Variants in H2AZ2 observed in about 807,000 individuals in gnomAD.
H2AZ2 encodes histone H2A.V.
A neutral mutation model predicts 15.5 loss-of-function variants in H2AZ2; 5 were observed. The ratio of observed to expected loss-of-function variants is 0.32; its 90% confidence interval spans 0.17 to 0.68. The LOEUF is 0.68. Ranked by LOEUF, H2AZ2 falls within the 30% of genes least tolerant of loss-of-function variation. H2AZ2 has a pLI of 0.72. For missense variants in H2AZ2, 42 were observed against 162.5 expected, an observed-to-expected ratio of 0.26 and a Z score of 4.03; for synonymous variants, 44 against 57.4, an observed-to-expected ratio of 0.77 and a Z score of 1.05.
At chr7:44,839,268 A>G (rs1045760497) in intron 3 of H2AZ2, among the ~76,000 whole-genome samples, 3 of 152,128 alleles carry the variant, frequency 2.0e-5, no homozygotes, top group African/African-American at 7.2e-5. Flanking sequence ...ACATACTTCA[A>G]AGTTCACTGG....
At chr7:44,847,295 A>G (rs1793434337) in intron 1 of H2AZ2, among the ~76,000 whole-genome samples, 1 of 152,200 alleles carries the variant, frequency 6.6e-6, no homozygotes, top group South Asian at 2.1e-4. Flanking sequence ...CTTCTTATCT[A>G]GATCTGAATT....
downstream of H2AZ2, among the ~76,000 whole-genome samples, chr7:44,830,392 A>T (rs1427924580): frequency 6.6e-6 from 1 of 152,208 alleles, no homozygotes; most frequent in Non-Finnish European, 1.5e-5. Flanking sequence ...CACCAAAGCA[A>T]GTCACATTTC....
At position 44,832,653 on chromosome 7, in the gene H2AZ2, T is replaced by A. The variant is rs1210146225; in HGVS notation, c.*1848A>T. On this transcript the variant is annotated 3_prime_UTR_variant, in exon 5 of 5. Coordinates refer to ENST00000308153, the MANE Select transcript of H2AZ2 (RefSeq NM_012412.5). ...CAATTAACTAGTACATTAACTCAAG[T>A]AACAGTTACTTAGCGCAGGGCATGG... 1.3e-5 allele frequency among the ~76,000 whole-genome samples: 2 copies of A among 152,188 alleles called. No homozygotes were observed. The highest frequency in any genetic ancestry group is 4.8e-5 in the African/African-American group (2 of 41,450).
downstream of H2AZ2, among the ~76,000 whole-genome samples, chr7:44,830,752 CT>C (rs1173077541): frequency 6.6e-6 from 1 of 152,166 alleles, no homozygotes; most frequent in East Asian, 1.9e-4. Flanking sequence ...AATCCCAGCA[CT>C]TTGGGAGGCT....
At chr7:44,846,072 C>CACACAG (rs1554336359) in intron 1 of H2AZ2, among the ~76,000 whole-genome samples, 6 of 84,722 alleles carry the variant, frequency 7.1e-5, no homozygotes, top group South Asian at 7.3e-4. Context: ...CAGAGAGAGA[C>CACACAG]AGAGAGAGAG....
chr7:44,846,060 C>G (rs375442377), intron 1 of H2AZ2, among the ~76,000 whole-genome samples: 2,979 of 77,972 alleles, frequency 0.038, 47 homozygotes, highest in Middle Eastern at 0.072. Context: ...CACACACACA[C>G]ACAGAGAGAG....
chr7:44,836,829 T>C (rs1167329246), intron 3 of H2AZ2, among the ~76,000 whole-genome samples: 2 of 151,204 alleles, frequency 1.3e-5, no homozygotes, highest in East Asian at 4.0e-4. Context: ...ACCCTGTCTC[T>C]ACTAAAAATA....
rs911328491 is a variant in H2AZ2 at position 44,833,324 on chromosome 7, C to A, written c.*1177G>T. Reference sequence around the variant, plus strand: ...CTTGGCTCACTGCAAGCTCCGCCTCCCGGGTTCACGTCATTCTCATGCCTC... The same window carrying A: ...CTTGGCTCACTGCAAGCTCCGCCTCACGGGTTCACGTCATTCTCATGCCTC... On this transcript the variant is annotated 3_prime_UTR_variant, in exon 5 of 5. Coordinates refer to ENST00000308153, the MANE Select transcript of H2AZ2 (RefSeq NM_012412.5). Among the ~76,000 whole-genome samples, 1 of 152,150 alleles carries A rather than the reference C, an allele frequency of 6.6e-6. No homozygotes were observed. Among genetic ancestry groups the A allele is most frequent in the Non-Finnish European group, 1.5e-5 (1 of 68,032 alleles).
intron 3 of H2AZ2, among the ~76,000 whole-genome samples, chr7:44,838,183 C>T (rs1251235811): frequency 6.6e-6 from 1 of 151,646 alleles, no homozygotes; most frequent in Non-Finnish European, 1.5e-5. Context: ...CTATGTTGGC[C>T]AGAATGGTCT....
Position 44,833,639 on chromosome 7 carries a change from CAATGCCAGGCCA to C in H2AZ2, c.*850_*861del. The C allele has an allele frequency of 1.0e-6, 1 of 977,364 alleles. No individual in the cohort carries two copies. Among genetic ancestry groups the C allele is most frequent in the Non-Finnish European group, 1.2e-6 (1 of 822,598 alleles). The allele number at this position is 977,364 out of a possible 1,614,324, so 60.5% of individuals were successfully genotyped here. A position where few individuals can be genotyped will look rare whatever the true frequency, so the allele number is the denominator to read the frequency against. ...GTGTTGGGATTACAGGCGTAAACCA[CAATGCCAGGCCA>C]AAAATTGGGATTTTAAACCAAAAGG... On this transcript the variant is annotated 3_prime_UTR_variant, in exon 5 of 5. Transcript: ENST00000308153.
intron 3 of H2AZ2, among the ~76,000 whole-genome samples, chr7:44,837,471 C>A: frequency 7.3e-6 from 1 of 136,940 alleles, no homozygotes; most frequent in African/African-American, 2.7e-5. Context: ...TGCACCCACA[C>A]ATTCATTGTC....
At chr7:44,843,443 C>G in intron 1 of H2AZ2, 89 bp from the exon 2 acceptor site, 2 of 851,892 alleles carry the variant, frequency 2.3e-6, no homozygotes, top group Non-Finnish European at 3.8e-6. Context: ...TCTAGTTTTA[C>G]TTTAGGTAGT....
At chr7:44,831,065 G>T (rs1792992010), downstream of H2AZ2, among the ~76,000 whole-genome samples, 2 of 152,208 alleles carry the variant, frequency 1.3e-5, no homozygotes, top group Admixed American at 1.3e-4. Flanking sequence ...TACTCAGGAG[G>T]CTGAGGCAGA....
chr7:44,827,417 G>A (rs1255590804), downstream of H2AZ2: 2 of 152,138 alleles, frequency 1.3e-5, no homozygotes, highest in African/African-American at 4.8e-5. Context: ...TGAAGAGCAG[G>A]TGGGAGCGAG....
At chr7:44,834,864 G>A (rs548544135) in intron 4 of H2AZ2, 20 of 214,380 alleles carry the variant, frequency 9.3e-5, no homozygotes, top group Non-Finnish European at 1.6e-4. Flanking sequence ...GGCTCACTGC[G>A]ACCTCTGTCC....
At chr7:44,835,361 T>C in intron 4 of H2AZ2, 168 bp downstream of exon 4, 1 of 498,924 alleles carries the variant, frequency 2.0e-6, no homozygotes, top group Non-Finnish European at 3.3e-6. Context: ...AGGTGAAATA[T>C]TTATTCAGAT....
chr7:44,842,692 T>C (rs1793302115), intron 2 of H2AZ2, among the ~76,000 whole-genome samples: 1 of 152,212 alleles, frequency 6.6e-6, no homozygotes, highest in South Asian at 2.1e-4. Context: ...ATTGGGAATA[T>C]ACATGGAGAC....
chr7:44,836,365 A>T (rs1793122948), intron 3 of H2AZ2, among the ~76,000 whole-genome samples: 1 of 152,102 alleles, frequency 6.6e-6, no homozygotes, highest in Non-Finnish European at 1.5e-5. Context: ...ATGTATTTTT[A>T]AAATTTTTTA....
intron 2 of H2AZ2, among the ~76,000 whole-genome samples, chr7:44,841,640 G>A (rs550010985): frequency 6.6e-6 from 1 of 152,296 alleles, no homozygotes; most frequent in Non-Finnish European, 1.5e-5. Flanking sequence ...CTCCTGAGTA[G>A]GTGGGATTAT....
Sources: gnomAD v4.1 joint callset for allele counts (sites outside exome capture counted in the v4.1 genomes callset) on GRCh38, gnomAD v4.1.1 for gene constraint, MANE v1.5 for transcripts, NCBI Gene and HGNC (gene_info 2026-07-23, HGNC 2026-07-21) for gene names.